The following RB1 variants were observed in gnomAD, a reference collection of about 807,000 sequenced individuals.
RB1 encodes retinoblastoma-associated protein.
A neutral mutation model predicts 135.4 loss-of-function variants in RB1; 18 were observed. That is an observed-to-expected ratio of 0.13 (90% CI 0.09 to 0.20). The LOEUF (loss-of-function observed/expected upper bound fraction) is 0.20, where lower values mean the gene tolerates loss of function less well. Ranked by LOEUF, RB1 falls within the 10% of genes least tolerant of loss-of-function variation. The probability of loss-of-function intolerance (pLI) is 1.00; values close to 1 mark genes in which losing one functional copy is unlikely to be tolerated. For synonymous variants in RB1, 365 were observed against 373.2 expected, an observed-to-expected ratio of 0.98 and a Z score of 0.25; for missense variants, 868 against 1,110.0, an observed-to-expected ratio of 0.78 and a Z score of 3.10.
chr13:48,374,416 G>A (rs1004082596), intron 12 of RB1, among the ~76,000 whole-genome samples: 2 of 152,166 alleles, frequency 1.3e-5, no homozygotes, highest in South Asian at 4.1e-4. Context: ...CAGCAACTGT[G>A]CTTTTTGTAC....
intron 17 of RB1, among the ~76,000 whole-genome samples, chr13:48,395,268 A>G (rs1256376219): frequency 6.6e-6 from 1 of 152,200 alleles, no homozygotes; most frequent in Non-Finnish European, 1.5e-5. Flanking sequence ...GACCAAAGGT[A>G]GATAAATCCA....
At chr13:48,417,632 C>T (rs1948935764) in intron 17 of RB1, among the ~76,000 whole-genome samples, 5 of 152,044 alleles carry the variant, frequency 3.3e-5, no homozygotes, top group Admixed American at 3.3e-4. Context: ...AAGCTAAAAA[C>T]CTTGAAAAAA....
intron 2 of RB1, among the ~76,000 whole-genome samples, chr13:48,330,860 T>C (rs1475282146): frequency 6.6e-6 from 1 of 152,160 alleles, no homozygotes; most frequent in Non-Finnish European, 1.5e-5. Flanking sequence ...AAGAAGATTA[T>C]AGGTCAATAT....
At chr13:48,327,507 G>A (rs1315324944) in intron 2 of RB1, among the ~76,000 whole-genome samples, 5 of 152,256 alleles carry the variant, frequency 3.3e-5, no homozygotes, top group East Asian at 1.9e-4. Context: ...AGAGCTAAGC[G>A]TCTGTATCCA....
At chr13:48,412,365 T>C (rs866670612) in intron 17 of RB1, 2 of 1,613,824 alleles carry the variant, frequency 1.2e-6, no homozygotes, top group African/African-American at 1.3e-5. Context: ...CATGCACCCA[T>C]ACAAAGTGTA....
rs868330961 is a variant in RB1, at chr13:48,317,117, A to G, written c.264+9711A>G. 1.0e-5 allele frequency: 9 copies of G among 903,702 alleles called. No homozygotes were observed. The South Asian group carries it at 2.0e-4, about 20-fold the overall frequency. The allele number at this position is 903,702 out of a possible 1,614,324, so 56.0% of individuals were successfully genotyped here. ...TCTTCGCCAGCAAGTGTGGGCTTCC[A>G]AAGACAGGGCTGGGCCCGGCCTGGG... On this transcript the variant is annotated intron_variant, in intron 2 of 26. Transcript: ENST00000267163.
chr13:48,304,021 A>C lies in RB1; in HGVS notation c.109A>C (p.Ser37Arg), dbSNP rs896487590. The change falls in exon 1 of 27, where the codon AGC (serine) becomes CGC (arginine). Residue 37 changes from serine to arginine, a missense_variant. By Grantham distance (110) the Ser-to-Arg change is moderately radical. Transcript: ENST00000267163. ...PPPEEDPEQD[S>R]GPEDLPLVRL... ...TCCTGAGGAGGACCCAGAGCAGGAC[A>C]GCGGCCCGGAGGACCTGCCTCTCGT... 1.4e-6 allele frequency: 2 copies of C among 1,467,928 alleles called. No individual in the cohort carries two copies. The highest frequency in any genetic ancestry group is 8.9e-7 in the Non-Finnish European group (1 of 1,118,208). The allele number at this position is 1,467,928 out of a possible 1,614,324, so 90.9% of individuals were successfully genotyped here. A position where few individuals can be genotyped will look rare whatever the true frequency, so the allele number is the denominator to read the frequency against.
intron 17 of RB1, among the ~76,000 whole-genome samples, chr13:48,430,338 T>C (rs1197712007): frequency 1.3e-5 from 2 of 152,202 alleles, no homozygotes; most frequent in African/African-American, 2.4e-5. Context: ...CTTTGATTTA[T>C]TCTTTATACC....
At chr13:48,380,567 T>C (rs1294587114) in intron 16 of RB1, among the ~76,000 whole-genome samples, 2 of 152,210 alleles carry the variant, frequency 1.3e-5, no homozygotes, top group Admixed American at 1.3e-4. Context: ...GAGTGGCCTC[T>C]ACTGATATGG....
chr13:48,456,598 G>A (rs770855858), intron 19 of RB1, among the ~76,000 whole-genome samples: 1 of 151,370 alleles, frequency 6.6e-6, no homozygotes, highest in Non-Finnish European at 1.5e-5. Context: ...AGGCCCACCG[G>A]GCTCATTTCA....
At chr13:48,381,524 A>G in intron 17 of RB1, 81 bp downstream of exon 17, 1 of 1,201,100 alleles carries the variant, frequency 8.3e-7, no homozygotes, top group South Asian at 1.3e-5. Flanking sequence ...GTTTCTTAAC[A>G]TCTACCTCAA....
At chr13:48,306,302 G>T (rs1264055663) in intron 1 of RB1, among the ~76,000 whole-genome samples, 1 of 152,252 alleles carries the variant, frequency 6.6e-6, no homozygotes, top group Non-Finnish European at 1.5e-5. Context: ...CTACTCAGGA[G>T]GCTGAGGTGG....
intron 11 of RB1, among the ~76,000 whole-genome samples, chr13:48,372,467 G>A (rs1225985367): frequency 6.6e-6 from 1 of 152,032 alleles, no homozygotes; most frequent in Non-Finnish European, 1.5e-5. Flanking sequence ...AAACCAGCCT[G>A]GGCAACATGG....
At chr13:48,359,939 A>ATACT in intron 6 of RB1, 78 bp from the exon 7 acceptor site, 1 of 1,574,740 alleles carries the variant, frequency 6.4e-7, no homozygotes, top group African/African-American at 1.4e-5. Context: ...ATTTATGGAT[A>ATACT]TACTCTACCC....
At chr13:48,387,106 A>G (rs1948577070) in intron 17 of RB1, among the ~76,000 whole-genome samples, 1 of 152,150 alleles carries the variant, frequency 6.6e-6, no homozygotes, top group Admixed American at 6.5e-5. Context: ...TTCTTTGTAT[A>G]CTTCAACCTA....
In RB1 at chr13:48,342,688, T is replaced by A. The variant is rs951251256; in HGVS notation, c.354T>A (p.Thr118=). ...TAGATGAGATGTCGTTCACTTTTACTGAGCTACAGAAAAACATAGAAATCA... is the reference window on the plus strand; with the variant it reads ...TAGATGAGATGTCGTTCACTTTTACAGAGCTACAGAAAAACATAGAAATCA... ...VDLDEMSFTF[T]ELQKNIEISV... is the part of the protein sequence containing the mutation. Residue 118 remains threonine, a synonymous_variant, in exon 3 of 27, where the codon ACT becomes ACA. Transcript: ENST00000267163. 3.7e-6 allele frequency: 6 copies of A among 1,608,814 alleles called. No individual in the cohort carries two copies. In the Admixed American group the frequency reaches 6.7e-5, roughly 18 times the overall value.
intron 2 of RB1, chr13:48,317,078 G>C (rs1952190777): frequency 3.6e-6 from 3 of 840,590 alleles, no homozygotes; most frequent in African/African-American, 3.5e-5. Flanking sequence ...TGCTTGGCCA[G>C]GGCCCGCCGT....
chr13:48,349,979 C>T (rs1194986984), intron 6 of RB1, among the ~76,000 whole-genome samples: 1 of 152,008 alleles, frequency 6.6e-6, no homozygotes, highest in Admixed American at 6.6e-5. Flanking sequence ...GTCAATTCAG[C>T]AAGAGGATAT....
chr13:48,477,518 C>T (rs940706060), intron 26 of RB1, 114 bp downstream of exon 26: 1 of 821,842 alleles, frequency 1.2e-6, no homozygotes, highest in African/African-American at 1.7e-5. Flanking sequence ...TTTGTTTATG[C>T]ATTTAAAATA....
Sources: allele counts gnomAD v4.1 joint callset (sites outside exome capture counted in the v4.1 genomes callset), GRCh38; gene constraint gnomAD v4.1.1; transcripts MANE v1.5; gene names NCBI Gene and HGNC (gene_info 2026-07-23, HGNC 2026-07-21).